OPRM1: variants seen among roughly 807,000 people sequenced by gnomAD.
OPRM1 encodes mu-type opioid receptor.
OPRM1 carries 27 observed loss-of-function variants against 31.8 expected under a neutral mutation model. That is an observed-to-expected ratio of 0.85 (90% CI 0.63 to 1.17). The LOEUF (loss-of-function observed/expected upper bound fraction) is 1.17. Ranked by LOEUF, OPRM1 falls within the 50% of genes most tolerant of loss-of-function variation. OPRM1 has a pLI of 0.00. For missense variants in OPRM1, 536 were observed against 511.1 expected, an observed-to-expected ratio of 1.05 and a Z score of -0.47; for synonymous variants, 196 against 189.9, an observed-to-expected ratio of 1.03 and a Z score of -0.26.
intron 3 of OPRM1, among the ~76,000 whole-genome samples, chr6:154,097,586 C>CGTGT (rs5881063): frequency 0.46 from 68,502 of 149,538 alleles, 15,841 homozygotes; most frequent in East Asian, 0.79. Flanking sequence ...AAAATGGTTC[C>CGTGT]GTGTGTGTGT....
chr6:154,112,127 C>T (rs1180462621), intron 3 of OPRM1, among the ~76,000 whole-genome samples: 1 of 152,186 alleles, frequency 6.6e-6, no homozygotes, highest in Non-Finnish European at 1.5e-5. Flanking sequence ...AGTTGTGTTA[C>T]ATCTATGTAT....
intron 3 of OPRM1, among the ~76,000 whole-genome samples, chr6:154,239,518 T>G (rs538033916): frequency 6.6e-6 from 1 of 152,354 alleles, no homozygotes; most frequent in South Asian, 2.1e-4. Context: ...TTTTTACCCC[T>G]TTGATCCATG....
At chr6:154,027,556 C>T (rs1778768746) in intron 1 of OPRM1, among the ~76,000 whole-genome samples, 1 of 152,226 alleles carries the variant, frequency 6.6e-6, no homozygotes, top group African/African-American at 2.4e-5. Flanking sequence ...GTGTCCTTCC[C>T]TTCAGTGTGA....
At chr6:154,227,650 G>A (rs924361253) in intron 3 of OPRM1, among the ~76,000 whole-genome samples, 4 of 152,068 alleles carry the variant, frequency 2.6e-5, no homozygotes, top group African/African-American at 9.7e-5. Flanking sequence ...CCCGGAGGTC[G>A]AGGCTGTCAT....
In OPRM1 at chr6:154,130,221, TG is replaced by T; in HGVS notation, c.*11501del. On this transcript the variant is annotated 3_prime_UTR_variant, in exon 4 of 4. Coordinates refer to ENST00000330432, the MANE Select transcript of OPRM1 (RefSeq NM_000914.5). ...TCTCACTCTGTCGCCCAGGCTGGAG[TG>T]CAGTGGCTCAATCTTGGCTCACTGC... Among the ~76,000 whole-genome samples, 1 of 148,940 alleles carries T rather than the reference TG, an allele frequency of 6.7e-6. No homozygotes were observed. Among genetic ancestry groups the T allele is most frequent in the East Asian group, 2.0e-4 (1 of 5,070 alleles).
intron 3 of OPRM1, among the ~76,000 whole-genome samples, chr6:154,197,905 A>G (rs748550459): frequency 1.1e-4 from 16 of 152,212 alleles, no homozygotes; most frequent in African/African-American, 1.2e-4. Flanking sequence ...GAGAAAAATA[A>G]TAGATGTAGT....
intron 1 of OPRM1, among the ~76,000 whole-genome samples, chr6:154,067,661 T>C (rs558831513): frequency 8.0e-4 from 122 of 152,234 alleles, no homozygotes; most frequent in African/African-American, 2.8e-3. Context: ...TCTATATCTG[T>C]TAAACCTAGT....
intron 1 of OPRM1, among the ~76,000 whole-genome samples, chr6:154,047,690 A>G (rs936937015): frequency 2.6e-5 from 4 of 152,188 alleles, no homozygotes; most frequent in Admixed American, 6.5e-5. Context: ...GTGTCTGTCC[A>G]GGCAAAAATG....
Position 154,040,212 on chromosome 6 carries a change from A to C in OPRM1, c.290+378A>C, listed in dbSNP as rs3823009. 6.6e-4 allele frequency among the ~76,000 whole-genome samples: 101 copies of C among 152,122 alleles called. 1 individual carries two copies. In the East Asian group the frequency reaches 0.019, roughly 28 times the overall value. Reference sequence around the variant, plus strand: ...CTCTGCAGGAGCTATGGAAAGAGTAAGTTGTGAATAATGGGAGAGAAATTC... The same window carrying C: ...CTCTGCAGGAGCTATGGAAAGAGTACGTTGTGAATAATGGGAGAGAAATTC... On this transcript the variant is annotated intron_variant, in intron 1 of 3. Coordinates refer to ENST00000330432, the MANE Select transcript of OPRM1 (RefSeq NM_000914.5).
intron 1 of OPRM1, among the ~76,000 whole-genome samples, chr6:154,061,002 CACTAAAATGGGT>C (rs1436936814): frequency 6.6e-6 from 1 of 152,168 alleles, no homozygotes; most frequent in African/African-American, 2.4e-5. Context: ...ATCTCACTCT[CACTAAAATGGGT>C]AGTAAAATTT....
In OPRM1 at chr6:154,129,527, T is replaced by C. The variant is rs1020377305; in HGVS notation, c.*10806T>C. On this transcript the variant is annotated 3_prime_UTR_variant, in exon 4 of 4. Transcript: ENST00000330432. ...TCAACATCATATATGATTGGAGACT[T>C]CCACATAATTGAGTTTTAGTGCCCA... Among the ~76,000 whole-genome samples, 11 of 152,314 alleles carry C rather than the reference T, an allele frequency of 7.2e-5. No homozygotes were observed. The highest frequency in any genetic ancestry group is 2.6e-4 in the African/African-American group (11 of 41,570).
chr6:154,112,380 T>C (rs537119484), intron 3 of OPRM1, among the ~76,000 whole-genome samples: 7 of 152,220 alleles, frequency 4.6e-5, no homozygotes, highest in Non-Finnish European at 7.3e-5. Flanking sequence ...AGCACAAGTA[T>C]CAGCATGCTA....
At chr6:154,169,169 T>A (rs926991515) in intron 3 of OPRM1, among the ~76,000 whole-genome samples, 2 of 152,250 alleles carry the variant, frequency 1.3e-5, no homozygotes, top group East Asian at 3.9e-4. Context: ...GAGACCACAC[T>A]TGACAACATG....
At chr6:154,142,537 A>G (rs1168092750) in intron 3 of OPRM1, among the ~76,000 whole-genome samples, 1 of 152,150 alleles carries the variant, frequency 6.6e-6, no homozygotes, top group Non-Finnish European at 1.5e-5. Context: ...CCCTGAAGGA[A>G]GAATCCAAGG....
chr6:154,180,651 A>T (rs1006204265), intron 3 of OPRM1, among the ~76,000 whole-genome samples: 1 of 152,030 alleles, frequency 6.6e-6, no homozygotes, highest in Non-Finnish European at 1.5e-5. Context: ...TTTAAATGCT[A>T]TATTTTCAAC....
chr6:154,192,333 T>TGTGTGC (rs1801972814), intron 3 of OPRM1, among the ~76,000 whole-genome samples: 1 of 151,852 alleles, frequency 6.6e-6, no homozygotes. Context: ...TGTGTGTGTG[T>TGTGTGC]GTGTGTGTGT....
intron 3 of OPRM1, among the ~76,000 whole-genome samples, chr6:154,180,460 A>G (rs944371819): frequency 2.7e-5 from 4 of 150,656 alleles, no homozygotes; most frequent in Non-Finnish European, 5.9e-5. Context: ...AGCAAATGAG[A>G]CAAAACAACA....
intron 3 of OPRM1, chr6:154,091,808 G>C: frequency 9.7e-7 from 1 of 1,027,808 alleles, no homozygotes; most frequent in Non-Finnish European, 1.2e-6. Flanking sequence ...ATTTTCCCCA[G>C]AATTATTATA....
intron 1 of OPRM1, among the ~76,000 whole-genome samples, chr6:154,021,371 G>A (rs1778356291): frequency 6.6e-6 from 1 of 152,046 alleles, no homozygotes; most frequent in South Asian, 2.1e-4. Context: ...TAGCTTTATA[G>A]TAAGTCTTGA....
Sources: gnomAD v4.1 joint callset for allele counts (sites outside exome capture counted in the v4.1 genomes callset) on GRCh38, gnomAD v4.1.1 for gene constraint, MANE v1.5 for transcripts, NCBI Gene and HGNC (gene_info 2026-07-23, HGNC 2026-07-21) for gene names.